NFATC2: variants seen among roughly 807,000 people sequenced by gnomAD.
The protein encoded by NFATC2 is nuclear factor of activated T-cells, cytoplasmic 2.
In NFATC2, 22 loss-of-function variants were observed where a neutral mutation model predicts 87.3. That is an observed-to-expected ratio of 0.25 (90% confidence interval 0.18 to 0.36). NFATC2 has a LOEUF of 0.36. NFATC2 is among the 10% of genes least tolerant of loss of function. The probability of loss-of-function intolerance (pLI) is 1.00; values close to 1 mark genes in which losing one functional copy is unlikely to be tolerated. For missense variants in NFATC2, 1,149 were observed against 1,259.1 expected, an observed-to-expected ratio of 0.91 and a Z score of 1.32; for synonymous variants, 565 against 542.2, an observed-to-expected ratio of 1.04 and a Z score of -0.58.
At chr20:51,425,804 G>T (rs1232660012) in intron 9 of NFATC2, among the ~76,000 whole-genome samples, 1 of 152,200 alleles carries the variant, frequency 6.6e-6, no homozygotes, top group Non-Finnish European at 1.5e-5. Flanking sequence ...ACGCATTGGT[G>T]CACCCAGCTT....
chr20:51,435,718 G>T lies in NFATC2; in HGVS notation c.1893C>A (p.Asp631Glu). The T allele has an allele frequency of 6.2e-7, 1 of 1,609,864 alleles. No individual in the cohort carries two copies. Among genetic ancestry groups the T allele is most frequent in the Non-Finnish European group, 8.5e-7 (1 of 1,178,082 alleles). ...GTCACGTGCTTACGGGCTGGCTCTT[G>T]TCCTTATCCACCGTGGCTTCCATCT... ...IWEMEATVDK[D>E]KSQPNMLFVE... Residue 631 changes from aspartate to glutamate, a missense_variant, in exon 7 of 11, where the codon GAC becomes GAA. Physicochemically the swap from Asp to Glu is conservative, Grantham distance 45. This residue lies in a region of NFATC2 where 581 missense variants were observed against 649.7 expected (regional missense o/e 0.89). Coordinates refer to ENST00000371564, the MANE Select transcript of NFATC2 (RefSeq NM_012340.5).
At position 51,432,529 on chromosome 20, in the gene NFATC2, G is replaced by T. The variant is rs1387387825; in HGVS notation, c.2260C>A (p.Arg754=). ...AGGCTGGGGCTCAGGCTCTTGCTCC[G>T]CTGGTAGAGTACGGCCGCTGGGTTC... is the stretch of plus-strand genomic sequence containing the variant. ...QQNPAAVLYQ[R]SKSLSPSLLG... Residue 754 remains arginine, a synonymous_variant, in exon 9 of 11, where the codon CGG becomes AGG. Coordinates refer to ENST00000371564, the MANE Select transcript of NFATC2 (RefSeq NM_012340.5). The surrounding 1 kb of genome is among the most constrained non-coding windows in gnomAD (Gnocchi z 4.6). 1.9e-6 allele frequency: 3 copies of T among 1,555,108 alleles called. No homozygotes were observed. The highest frequency in any genetic ancestry group is 2.6e-6 in the Non-Finnish European group (3 of 1,152,542).
At chr20:51,434,957 G>A (rs552738440) in intron 8 of NFATC2, among the ~76,000 whole-genome samples, 56 of 152,310 alleles carry the variant, frequency 3.7e-4, no homozygotes, top group African/African-American at 1.2e-3. Context: ...AAGGCAATAA[G>A]AGCTAATATC....
chr20:51,416,890 A>C (rs1246240850), intron 9 of NFATC2, among the ~76,000 whole-genome samples: 2 of 152,174 alleles, frequency 1.3e-5, no homozygotes, highest in Non-Finnish European at 2.9e-5. Context: ...AATTCACTTT[A>C]GCGCTGGTTG....
In NFATC2 at chr20:51,562,618, C is replaced by T; in HGVS notation, c.12G>A (p.Glu4=). The T allele has an allele frequency of 6.4e-7, 1 of 1,551,262 alleles. No homozygotes were observed. Among genetic ancestry groups the T allele is most frequent in the Non-Finnish European group, 8.7e-7 (1 of 1,146,692 alleles). Residue 4 remains glutamate (E), a synonymous_variant, in exon 1 of 11, where the codon GAG becomes GAA. Coordinates refer to the NFATC2 transcript ENST00000414705. This position sits in a 1 kb window ranked among gnomAD's most constrained non-coding sequence, Gnocchi z 5.8. ...GGCAGTGCCCCAGTCTGAACGCAGC[C>T]TCTCTCTGCATCTGGAGGGCACGGG...
In NFATC2 at chr20:51,467,833, G is replaced by T. The variant is rs1486702714; in HGVS notation, c.1708+6147C>A. On this transcript the variant is annotated intron_variant, in intron 5 of 10. Coordinates refer to ENST00000371564, the MANE Select transcript of NFATC2 (RefSeq NM_012340.5). Reference sequence around the variant, plus strand: ...CCTAGGTCATTTACCCAAGAGAAATGAAAGCATTTGCTCACAGAAGGACTT... The same window carrying T: ...CCTAGGTCATTTACCCAAGAGAAATTAAAGCATTTGCTCACAGAAGGACTT... Among the ~76,000 whole-genome samples, 5 of 152,306 alleles carry T rather than the reference G, an allele frequency of 3.3e-5. No individual in the cohort carries two copies. The South Asian group carries it at 8.3e-4, about 25-fold the overall frequency.
In NFATC2 at chr20:51,535,696, C is replaced by A. The variant is rs117897610; in HGVS notation, c.130+6674G>T. On this transcript the variant is annotated intron_variant, in intron 1 of 10. Transcript: ENST00000371564. ...CTTAGGATTATACAGGTAAACAGCCCCTTTCCATAACCTTTAAAATAACTT... is the reference window on the plus strand; with the variant it reads ...CTTAGGATTATACAGGTAAACAGCCACTTTCCATAACCTTTAAAATAACTT... Among the ~76,000 whole-genome samples the A allele has an allele frequency of 4.1e-3, 619 of 152,300 alleles. 2 individuals are homozygous for A. Among genetic ancestry groups the A allele is most frequent in the Non-Finnish European group, 5.4e-3 (367 of 68,026 alleles).
chr20:51,394,254 T>A (rs1256391961), intron 10 of NFATC2, among the ~76,000 whole-genome samples: 1 of 152,088 alleles, frequency 6.6e-6, no homozygotes, highest in African/African-American at 2.4e-5. Context: ...CTTTAAGTTC[T>A]GAGAGGGGGG....
rs537437641 is a variant in NFATC2 at position 51,549,161 on chromosome 20, C to T, written c.70+13399G>A. Among the ~76,000 whole-genome samples, 11 of 152,184 alleles carry T rather than the reference C, an allele frequency of 7.2e-5. 1 individual carries two copies. Among genetic ancestry groups the T allele is most frequent in the East Asian group, 3.9e-4 (2 of 5,186 alleles). On this transcript the variant is annotated intron_variant, in intron 1 of 10. Coordinates refer to the NFATC2 transcript ENST00000414705. ...TCAGCCTAGGCAACACAGCAAGACC[C>T]CGTCTCCAAAACAAGGAGTGAGAGA...
chr20:51,426,025 G>T (rs1283957102), intron 9 of NFATC2, among the ~76,000 whole-genome samples: 1 of 152,184 alleles, frequency 6.6e-6, no homozygotes, highest in Admixed American at 6.5e-5. Flanking sequence ...GGAGCCTTGG[G>T]CAGTGCTCTG....
intron 10 of NFATC2, among the ~76,000 whole-genome samples, chr20:51,393,662 A>C (rs1468099164): frequency 6.6e-6 from 1 of 152,084 alleles, no homozygotes; most frequent in Non-Finnish European, 1.5e-5. Flanking sequence ...GCTGTGTAGG[A>C]CTTATGTAGC....
chr20:51,411,733 G>A (rs1237786091), intron 9 of NFATC2, among the ~76,000 whole-genome samples: 1 of 151,834 alleles, frequency 6.6e-6, no homozygotes, highest in East Asian at 1.9e-4. Context: ...TCAACATGTT[G>A]GCCAGCCTGG....
chr20:51,464,304 G>A (rs1987452469), intron 5 of NFATC2, among the ~76,000 whole-genome samples: 1 of 152,238 alleles, frequency 6.6e-6, no homozygotes, highest in Non-Finnish European at 1.5e-5. Context: ...TACTGTGTGA[G>A]ACACACACGC....
intron 1 of NFATC2, among the ~76,000 whole-genome samples, chr20:51,554,609 C>A (rs1056848742): frequency 6.6e-6 from 1 of 152,180 alleles, no homozygotes; most frequent in Non-Finnish European, 1.5e-5. Context: ...TTCCTTTCAA[C>A]CTTAAAGTAC....
At chr20:51,547,965 G>A (rs1395573219) in intron 1 of NFATC2, among the ~76,000 whole-genome samples, 1 of 152,104 alleles carries the variant, frequency 6.6e-6, no homozygotes, top group African/African-American at 2.4e-5. Flanking sequence ...TTGCCCCTAT[G>A]TGGAGCAACC....
At position 51,561,412 on chromosome 20, in the gene NFATC2, GAAA is replaced by G. The variant is rs1216157723; in HGVS notation, c.70+1145_70+1147del. On this transcript the variant is annotated intron_variant, in intron 1 of 10. Transcript: ENST00000414705. Reference sequence around the variant, plus strand: ...AAGAAAGAGAGAGAAAGAAAAGAAAGAAAGAAAGAGAGAGAAAGAAAAGAAAGA... The same window carrying G: ...AAGAAAGAGAGAGAAAGAAAAGAAAGGAAAGAGAGAGAAAGAAAAGAAAGA... 4.1e-3 allele frequency among the ~76,000 whole-genome samples: 568 copies of G among 139,464 alleles called. 6 individuals carry two copies. The highest frequency in any genetic ancestry group is 0.015 in the African/African-American group (544 of 36,288). The allele number at this position is 139,464 out of a possible 152,430, so 91.5% of individuals were successfully genotyped here.
intron 2 of NFATC2, among the ~76,000 whole-genome samples, chr20:51,520,642 TTTTA>T (rs1046048456): frequency 7.3e-5 from 11 of 150,906 alleles, no homozygotes; most frequent in South Asian, 2.1e-4. Context: ...ATTTATTTAT[TTTTA>T]TTTATTATTA....
chr20:51,499,079 G>A (rs1037799608), intron 3 of NFATC2, among the ~76,000 whole-genome samples: 26 of 152,124 alleles, frequency 1.7e-4, no homozygotes, highest in African/African-American at 5.8e-4. Flanking sequence ...CGGGTGACAC[G>A]GCCTGGTCCA....
At chr20:51,441,085 C>T (rs1984268803) in intron 6 of NFATC2, among the ~76,000 whole-genome samples, 1 of 151,934 alleles carries the variant, frequency 6.6e-6, no homozygotes, top group Non-Finnish European at 1.5e-5. Context: ...GAGTTCAAGA[C>T]CAGCCTGGCC....
Sources: gnomAD v4.1 joint callset for allele counts (sites outside exome capture counted in the v4.1 genomes callset) on GRCh38, gnomAD v4.1.1 for gene constraint, gnomAD v4.1.1 regional missense constraint, Gnocchi (gnomAD v3.1) non-coding constraint, MANE v1.5 for transcripts, NCBI Gene and HGNC (gene_info 2026-07-23, HGNC 2026-07-21) for gene names.